PRUNE2: variants seen among roughly 807,000 people sequenced by gnomAD.
PRUNE2 encodes protein prune homolog 2.
PRUNE2 carries 164 observed loss-of-function variants against 252.0 expected under a neutral mutation model. The observed-to-expected ratio is 0.65, with a 90% confidence interval of 0.57 to 0.74. PRUNE2 has a LOEUF of 0.74. PRUNE2 is among the 30% of genes least tolerant of loss of function. The pLI is 0.00. For synonymous variants in PRUNE2, 1,292 were observed against 1,350.2 expected, an observed-to-expected ratio of 0.96 and a Z score of 0.94; for missense variants, 3,495 against 3,711.0, an observed-to-expected ratio of 0.94 and a Z score of 1.51.
chr9:76,676,077 C>CAAAAACAAAA (rs2042519305), intron 9 of PRUNE2, among the ~76,000 whole-genome samples: 18 of 148,092 alleles, frequency 1.2e-4, no homozygotes, highest in East Asian at 5.9e-4. Context: ...AAAAAAAAAC[C>CAAAAACAAAA]AAAAACAAAA....
chr9:76,855,079 AAAAAT>A (rs1303725259), intron 1 of PRUNE2, among the ~76,000 whole-genome samples: 8 of 137,978 alleles, frequency 5.8e-5, no homozygotes, highest in African/African-American at 2.1e-4. Context: ...AAAAAAAAAA[AAAAAT>A]ATATATATAT....
At chr9:76,805,795 CAT>C (rs2056894068) in intron 6 of PRUNE2, among the ~76,000 whole-genome samples, 1 of 152,168 alleles carries the variant, frequency 6.6e-6, no homozygotes, top group South Asian at 2.1e-4. Flanking sequence ...TGTGACCTAA[CAT>C]AGAATAATGA....
At chr9:76,891,044 G>T (rs1389189796) in intron 1 of PRUNE2, among the ~76,000 whole-genome samples, 1 of 152,218 alleles carries the variant, frequency 6.6e-6, no homozygotes, top group Non-Finnish European at 1.5e-5. Flanking sequence ...TCATGCTATG[G>T]TGATACAAAA....
intron 9 of PRUNE2, among the ~76,000 whole-genome samples, chr9:76,691,811 T>C (rs1333555090): frequency 6.6e-6 from 1 of 152,172 alleles, no homozygotes; most frequent in Non-Finnish European, 1.5e-5. Context: ...CAAAGTCTGT[T>C]TCCTGATTAC....
intron 18 of PRUNE2, among the ~76,000 whole-genome samples, chr9:76,618,603 A>G (rs1205420311): frequency 3.3e-5 from 5 of 152,096 alleles, no homozygotes; most frequent in Non-Finnish European, 7.4e-5. Flanking sequence ...GAAGTGGTAC[A>G]CCCATCTAGC....
rs542156402 is a variant in PRUNE2, at chr9:76,700,875, C to T, written c.8276+2462G>A. Among the ~76,000 whole-genome samples the T allele has an allele frequency of 6.6e-5, 10 of 152,266 alleles. No individual in the cohort carries two copies. In the South Asian group the frequency reaches 1.7e-3, roughly 25 times the overall value. On this transcript the variant is annotated intron_variant, in intron 9 of 18. Transcript: ENST00000376718. The stretch of plus-strand genomic sequence containing the variant: ...GGTTGCCCTATGTAAAGTGAAATAG[C>T]GCAGAGTGCTTAACACCTGGTCCAA...
At chr9:76,743,025 T>C (rs1440890917) in intron 6 of PRUNE2, among the ~76,000 whole-genome samples, 1 of 152,184 alleles carries the variant, frequency 6.6e-6, no homozygotes, top group Non-Finnish European at 1.5e-5. Context: ...GCTGTTCTTG[T>C]GATAGTGAGT....
intron 4 of PRUNE2, among the ~76,000 whole-genome samples, chr9:76,831,687 A>C (rs1012116008): frequency 8.5e-5 from 13 of 152,144 alleles, no homozygotes; most frequent in African/African-American, 3.1e-4. Context: ...TTTAGTATAC[A>C]GCAGTAAAGA....
At chr9:76,814,885 C>T (rs981444693) in intron 6 of PRUNE2, among the ~76,000 whole-genome samples, 4 of 152,220 alleles carry the variant, frequency 2.6e-5, no homozygotes, top group African/African-American at 4.8e-5. Context: ...CACTACGAGT[C>T]AACCGTATTT....
At chr9:76,793,955 A>T (rs1441656194) in intron 6 of PRUNE2, among the ~76,000 whole-genome samples, 2 of 152,218 alleles carry the variant, frequency 1.3e-5, no homozygotes, top group African/African-American at 2.4e-5. Flanking sequence ...CTATAAAGAC[A>T]TTATGAACTT....
At chr9:76,788,073 G>GGTTTGTGCCCT (rs1463698093) in intron 6 of PRUNE2, among the ~76,000 whole-genome samples, 1 of 152,192 alleles carries the variant, frequency 6.6e-6, no homozygotes, top group Admixed American at 6.5e-5. Context: ...GCCATTACCA[G>GGTTTGTGCCCT]CAACTAAAGT....
At chr9:76,775,072 A>AC (rs1481481499) in intron 6 of PRUNE2, among the ~76,000 whole-genome samples, 1 of 151,988 alleles carries the variant, frequency 6.6e-6, no homozygotes, top group East Asian at 1.9e-4. Context: ...AAAGAAGAAA[A>AC]AAAATTTGCC....
At position 76,629,121 on chromosome 9, in the gene PRUNE2, G is replaced by T. The variant is rs987888006; in HGVS notation, c.9149+71C>A. On this transcript the variant is annotated intron_variant, in intron 16 of 18. Coordinates refer to ENST00000376718, the MANE Select transcript of PRUNE2 (RefSeq NM_015225.3). ...GCCTCCCAAAGTGCTAGGATTACAG[G>T]CGTGAGCCACCACACCCAGCCTCAA... is the stretch of plus-strand genomic sequence containing the variant. The T allele has an allele frequency of 1.1e-5, 10 of 901,774 alleles. No individual in the cohort carries two copies. The South Asian group carries it at 1.4e-4, about 13-fold the overall frequency. 55.9% of individuals were successfully genotyped at this position (901,774 alleles called of 1,614,324 possible).
At chr9:76,745,013 T>G (rs1461949942) in intron 6 of PRUNE2, among the ~76,000 whole-genome samples, 2 of 152,158 alleles carry the variant, frequency 1.3e-5, no homozygotes, top group Non-Finnish European at 2.9e-5. Context: ...GACCATACAT[T>G]TATTGCTTTA....
At chr9:76,846,765 A>C in intron 3 of PRUNE2, 87 bp from the exon 4 acceptor site, 1 of 1,211,708 alleles carries the variant, frequency 8.3e-7, no homozygotes, top group Non-Finnish European at 1.2e-6. Flanking sequence ...CTCTCACACA[A>C]ATGGCTTCCT....
chr9:76,690,401 T>C (rs921387123), intron 9 of PRUNE2, among the ~76,000 whole-genome samples: 2 of 152,342 alleles, frequency 1.3e-5, no homozygotes, highest in African/African-American at 4.8e-5. Flanking sequence ...CAGCTTTTAT[T>C]TGCTGTAGAT....
At chr9:76,727,297 T>G (rs10512059) in intron 6 of PRUNE2, among the ~76,000 whole-genome samples, 1,771 of 152,328 alleles carry the variant, frequency 0.012, 34 homozygotes, top group East Asian at 0.085. Flanking sequence ...CTCAACTGTT[T>G]CAGAAATCTT....
chr9:76,677,095 T>C (rs2042725512), intron 9 of PRUNE2, among the ~76,000 whole-genome samples: 1 of 152,246 alleles, frequency 6.6e-6, no homozygotes, highest in African/African-American at 2.4e-5. Flanking sequence ...TCGCAATAGG[T>C]TGATTTAAAT....
chr9:76,698,441 T>C lies in PRUNE2; in HGVS notation c.8276+4896A>G, dbSNP rs571297221. 3.7e-4 allele frequency among the ~76,000 whole-genome samples: 56 copies of C among 152,246 alleles called. No individual in the cohort carries two copies. The South Asian group carries it at 0.011, about 31-fold the overall frequency. On this transcript the variant is annotated intron_variant, in intron 9 of 18. Coordinates refer to ENST00000376718, the MANE Select transcript of PRUNE2 (RefSeq NM_015225.3). Reference sequence around the variant, plus strand: ...CAAAAATAAATGAACACAGAGTCAGTGCTAAGTTTGTTCTTCCAGGTTTGG... The same window carrying C: ...CAAAAATAAATGAACACAGAGTCAGCGCTAAGTTTGTTCTTCCAGGTTTGG...
Sources: gnomAD v4.1 joint callset for allele counts (sites outside exome capture counted in the v4.1 genomes callset) on GRCh38, gnomAD v4.1.1 for gene constraint, MANE v1.5 for transcripts, NCBI Gene and HGNC (gene_info 2026-07-23, HGNC 2026-07-21) for gene names.